The following STK3 variants were observed in gnomAD, a reference collection of about 807,000 sequenced individuals.
STK3 encodes the protein serine/threonine-protein kinase 3.
In STK3, 41 loss-of-function variants were observed where a neutral mutation model predicts 58.0. The observed-to-expected ratio is 0.71, with a 90% CI of 0.55 to 0.92. The LOEUF (loss-of-function observed/expected upper bound fraction) is 0.92, where lower values mean the gene tolerates loss of function less well. Ranked by LOEUF, STK3 falls within the 40% of genes least tolerant of loss-of-function variation. The pLI is 0.00. For synonymous variants in STK3, 170 were observed against 191.0 expected, an observed-to-expected ratio of 0.89 and a Z score of 0.91; for missense variants, 479 against 602.7, an observed-to-expected ratio of 0.79 and a Z score of 2.15.
At chr8:98,369,787 C>G (rs919628466), downstream of STK3, among the ~76,000 whole-genome samples, 1 of 152,154 alleles carries the variant, frequency 6.6e-6, no homozygotes, top group Non-Finnish European at 1.5e-5. Context: ...ACTGATGACA[C>G]CACCCATGCA....
At chr8:98,350,521 A>C in the STK3 span, among the ~76,000 whole-genome samples, 1 of 152,172 alleles carries the variant, frequency 6.6e-6, no homozygotes, top group African/African-American at 2.4e-5. Context: ...CTCTACTGGT[A>C]CCAATTTACT....
At chr8:98,413,162 T>C (rs958625282) in intron 3 of STK3, 1 of 293,436 alleles carries the variant, frequency 3.4e-6, no homozygotes, top group Non-Finnish European at 6.6e-6. Flanking sequence ...TATAGGCATG[T>C]GCCACCACGC....
chr8:98,838,111 G>C (rs1339263786), intron 3 of STK3, among the ~76,000 whole-genome samples: 1 of 151,032 alleles, frequency 6.6e-6, no homozygotes, highest in Non-Finnish European at 1.5e-5. Flanking sequence ...GATGTGGTAG[G>C]GCACACCTTT....
At chr8:98,595,030 T>C (rs1263339864) in intron 7 of STK3, 1 of 152,264 alleles carries the variant, frequency 6.6e-6, no homozygotes, top group Non-Finnish European at 1.5e-5. Context: ...TTCCAATCTT[T>C]TACAATTTCA....
At position 98,428,410 on chromosome 8, in the gene STK3, C is replaced by T. The variant is rs758675215; in HGVS notation, n.483+5717G>A. On this transcript the variant is annotated intron_variant and non_coding_transcript_variant, in intron 3 of 3. Coordinates refer to the STK3 transcript ENST00000517832. The surrounding 1 kb of genome is among the most constrained non-coding windows in gnomAD (Gnocchi z 6.7). ...GACGAGCAGAGTGACCAGGAGAGCA[C>T]CACGTCTTCCTTCGATGAGATCCTT... 1 of 1,614,148 alleles carries T rather than the reference C, an allele frequency of 6.2e-7. No individual in the cohort carries two copies. Among genetic ancestry groups the T allele is most frequent in the East Asian group, 2.2e-5 (1 of 44,868 alleles).
rs376160519 is a variant in STK3 at position 98,493,035 on chromosome 8, G to A, written c.1317+33707C>T. On this transcript the variant is annotated intron_variant, in intron 10 of 10. Transcript: ENST00000419617. ...TGCCTGAGCCCAGGAGTTTGAGACCGGCCTGGGTAACATAGTGAGACCCAA... is the reference window on the plus strand; with the variant it reads ...TGCCTGAGCCCAGGAGTTTGAGACCAGCCTGGGTAACATAGTGAGACCCAA... 5.9e-5 allele frequency among the ~76,000 whole-genome samples: 9 copies of A among 151,784 alleles called. No individual in the cohort carries two copies. In the South Asian group the frequency reaches 6.2e-4, roughly 11 times the overall value.
intron 10 of STK3, among the ~76,000 whole-genome samples, chr8:98,458,626 C>T (rs1819691185): frequency 6.6e-6 from 1 of 152,128 alleles, no homozygotes; most frequent in Non-Finnish European, 1.5e-5. Flanking sequence ...TCATAATCCC[C>T]ATGTGTCTAG....
intron 4 of STK3, among the ~76,000 whole-genome samples, chr8:98,738,469 G>A (rs4734414): frequency 0.35 from 53,447 of 151,734 alleles, 9,950 homozygotes; most frequent in East Asian, 0.48. Context: ...ACGAAACTCC[G>A]ACTCAAAATA....
chr8:98,901,613 G>C (rs982194910), intron 1 of STK3, among the ~76,000 whole-genome samples: 2 of 152,244 alleles, frequency 1.3e-5, no homozygotes, highest in Non-Finnish European at 2.9e-5. Context: ...GTAGCTCACA[G>C]GGCAGATCTG....
intron 4 of STK3, among the ~76,000 whole-genome samples, chr8:98,735,256 C>T (rs1456567584): frequency 1.3e-5 from 2 of 152,054 alleles, no homozygotes; most frequent in Admixed American, 1.3e-4. Context: ...CTATTCTAGG[C>T]ACTTGGAATA....
chr8:98,431,116 G>C (rs1818319467), intron 3 of STK3: 1 of 167,122 alleles, frequency 6.0e-6, no homozygotes, highest in Non-Finnish European at 1.5e-5. Flanking sequence ...CTCTTCTTAA[G>C]AGGTCCTTTT....
intron 1 of STK3, among the ~76,000 whole-genome samples, chr8:98,815,928 C>CA (rs1564028356): frequency 6.6e-6 from 1 of 152,110 alleles, no homozygotes; most frequent in African/African-American, 2.4e-5. Flanking sequence ...GCTAACATCA[C>CA]AAAAAAGAAA....
At chr8:98,804,048 C>G (rs1218467651) in intron 1 of STK3, among the ~76,000 whole-genome samples, 1 of 152,006 alleles carries the variant, frequency 6.6e-6, no homozygotes, top group East Asian at 1.9e-4. Context: ...GTTGCCTAGG[C>G]TGGAGTGCAG....
At chr8:98,874,318 G>A (rs1837486365) in intron 3 of STK3, among the ~76,000 whole-genome samples, 1 of 152,112 alleles carries the variant, frequency 6.6e-6, no homozygotes, top group Non-Finnish European at 1.5e-5. Context: ...ACAATTATGT[G>A]TCTTGGAGTT....
intron 10 of STK3, among the ~76,000 whole-genome samples, chr8:98,472,005 A>G (rs1820959082): frequency 6.6e-6 from 1 of 152,218 alleles, no homozygotes; most frequent in African/African-American, 2.4e-5. Context: ...TATGTACATA[A>G]TAGCTAACAT....
At chr8:98,648,026 T>A (rs1050425809) in intron 6 of STK3, among the ~76,000 whole-genome samples, 1 of 152,190 alleles carries the variant, frequency 6.6e-6, no homozygotes, top group Non-Finnish European at 1.5e-5. Flanking sequence ...AACTACTGAA[T>A]CTTTTTCCAT....
At chr8:98,501,836 C>T (rs192807500) in intron 10 of STK3, among the ~76,000 whole-genome samples, 6 of 152,276 alleles carry the variant, frequency 3.9e-5, no homozygotes, top group East Asian at 3.9e-4. Context: ...AGTCAGGTAG[C>T]GTGATGCCTC....
At position 98,618,106 on chromosome 8, in the gene STK3, T is replaced by C. The variant is rs563161756; in HGVS notation, c.685-21937A>G. Among the ~76,000 whole-genome samples the C allele has an allele frequency of 4.2e-3, 637 of 151,824 alleles. 4 individuals carry two copies. Among genetic ancestry groups the C allele is most frequent in the African/African-American group, 0.015 (606 of 41,346 alleles). On this transcript the variant is annotated intron_variant, in intron 6 of 10. Coordinates refer to ENST00000419617, the MANE Select transcript of STK3 (RefSeq NM_006281.4). ...CGAATCCAGCAGCACATCAAAAAGC[T>C]TATCCACCATGATCAAGTGGGCTTC...
At chr8:98,635,394 C>A (rs780955636) in intron 6 of STK3, among the ~76,000 whole-genome samples, 84 of 152,102 alleles carry the variant, frequency 5.5e-4, no homozygotes, top group Non-Finnish European at 1.5e-4. Flanking sequence ...GGAAGTATTT[C>A]TCCATTTTAT....
Sources: allele counts gnomAD v4.1 joint callset (sites outside exome capture counted in the v4.1 genomes callset), GRCh38; gene constraint gnomAD v4.1.1; non-coding constraint Gnocchi (gnomAD v3.1); transcripts MANE v1.5; gene names NCBI Gene and HGNC (gene_info 2026-07-23, HGNC 2026-07-21).